Variants in PTK6 observed in about 807,000 individuals in gnomAD.
PTK6 encodes protein tyrosine kinase 6, also known as protein-tyrosine kinase 6.
Under a neutral mutation model 47.5 loss-of-function variants are expected in PTK6, and 47 were observed. The observed-to-expected ratio is 0.99, with a 90% confidence interval of 0.78 to 1.26. The LOEUF (loss-of-function observed/expected upper bound fraction) is 1.26, where lower values mean the gene tolerates loss of function less well. Ranked by LOEUF, PTK6 falls within the 50% of genes most tolerant of loss-of-function variation. The probability of loss-of-function intolerance (pLI) is 0.00; values close to 1 mark genes in which losing one functional copy is unlikely to be tolerated. For synonymous variants in PTK6, 287 were observed against 276.5 expected (o/e 1.04, Z -0.38); for missense variants, 618 against 625.3 (o/e 0.99, Z 0.12).
rs377401604 is a variant in PTK6 at position 63,537,304 on chromosome 20, C to T, written c.11G>A (p.Arg4Gln). MVS[R>Q]DQAHLGPKYV... ...CTTGGGGCCCAGGTGAGCCTGGTCC[C>T]GGGACACCATGGCGGGCGGGCGCAG... The change falls in exon 1 of 8, where the codon CGG becomes CAG. Residue 4 changes from arginine to glutamine, a missense_variant. Arg to Gln is a conservative substitution (Grantham distance 43). Coordinates refer to ENST00000542869, the MANE Select transcript of PTK6 (RefSeq NM_005975.4). 5 of 1,610,296 alleles carry T rather than the reference C, an allele frequency of 3.1e-6. No individual in the cohort carries two copies. The highest frequency in any genetic ancestry group is 2.2e-5 in the East Asian group (1 of 44,786).
chr20:63,532,029 G>A (rs1456543077), intron 5 of PTK6, among the ~76,000 whole-genome samples: 2 of 152,250 alleles, frequency 1.3e-5, no homozygotes, highest in Admixed American at 1.3e-4. Flanking sequence ...TTCACGCACG[G>A]GCATCTCCAT....
At chr20:63,532,423 G>GT (rs2082632019) in intron 5 of PTK6, 103 bp downstream of exon 5, 1 of 1,381,140 alleles carries the variant, frequency 7.2e-7, no homozygotes, top group African/African-American at 1.5e-5. Context: ...GTGTGTCTGT[G>GT]TGTCTACGTG....
At chr20:63,536,698 TC>T (rs1569014262) in intron 1 of PTK6, among the ~76,000 whole-genome samples, 1 of 152,162 alleles carries the variant, frequency 6.6e-6, no homozygotes, top group Middle Eastern at 3.4e-3. Flanking sequence ...AAGCTTCGTT[TC>T]CCCCAAAGGC....
chr20:63,530,609 C>T lies in PTK6; in HGVS notation c.1014+137G>A, dbSNP rs2082610536. Reference sequence around the variant, plus strand: ...CCGGACTCACGGTGGCTTCCCACCTCCCTGCCCAGCCTGGGCTCCCGAGGG... The same window carrying T: ...CCGGACTCACGGTGGCTTCCCACCTTCCTGCCCAGCCTGGGCTCCCGAGGG... On this transcript the variant is annotated intron_variant, in intron 6 of 7. Transcript: ENST00000542869. This position sits in a 1 kb window ranked among gnomAD's most constrained non-coding sequence, Gnocchi z 4.1. The T allele has an allele frequency of 6.1e-6, 7 of 1,148,798 alleles. No individual in the cohort carries two copies. The highest frequency in any genetic ancestry group is 8.4e-6 in the Non-Finnish European group (7 of 829,694). The allele number at this position is 1,148,798 out of a possible 1,614,324, so 71.2% of individuals were successfully genotyped here.
At position 63,537,111 on chromosome 20, in the gene PTK6, G is replaced by C; in HGVS notation, c.204C>G (p.Ala68=). 3.7e-6 allele frequency: 6 copies of C among 1,610,500 alleles called. No homozygotes were observed. Among genetic ancestry groups the C allele is most frequent in the Non-Finnish European group, 5.1e-6 (6 of 1,179,022 alleles). ...GTTCCGACTCCACCGTCTCCCTCTC[G>C]GCCAGGTAGTTGTGGGGCACATAGC... ...AQGYVPHNYL[A]ERETVESEPW... is the part of the protein sequence containing the mutation. The change falls in exon 1 of 8, where the codon GCC becomes GCG. Residue 68 remains alanine, a synonymous_variant. Coordinates refer to ENST00000542869, the MANE Select transcript of PTK6 (RefSeq NM_005975.4).
Position 63,530,624 on chromosome 20 carries a change from G to A in PTK6, c.1014+122C>T, listed in dbSNP as rs2082610669. On this transcript the variant is annotated intron_variant, in intron 6 of 7. Coordinates refer to ENST00000542869, the MANE Select transcript of PTK6 (RefSeq NM_005975.4). This position sits in a 1 kb window ranked among gnomAD's most constrained non-coding sequence, Gnocchi z 4.1. The stretch of plus-strand genomic sequence containing the variant: ...CTTCCCACCTCCCTGCCCAGCCTGG[G>A]CTCCCGAGGGCAGGGGCCGCATCCT... 3.2e-6 allele frequency: 4 copies of A among 1,252,272 alleles called. No homozygotes were observed. The highest frequency in any genetic ancestry group is 3.3e-6 in the Non-Finnish European group (3 of 918,348). 77.6% of individuals were successfully genotyped at this position (1,252,272 alleles called of 1,614,324 possible).
In PTK6 at chr20:63,530,722, A is replaced by G. The variant is rs767994310; in HGVS notation, c.1014+24T>C. On this transcript the variant is annotated intron_variant, in intron 6 of 7. Transcript: ENST00000542869. This position sits in a 1 kb window ranked among gnomAD's most constrained non-coding sequence, Gnocchi z 4.1. ...CCGGCCACGCCCCGGCCACGACCCC[A>G]GCCACGCCCTCTGAGGGCCCTACCT... 9.3e-6 allele frequency: 15 copies of G among 1,610,814 alleles called. No individual in the cohort carries two copies. The highest frequency in any genetic ancestry group is 1.3e-5 in the African/African-American group (1 of 74,698).
At position 63,532,460 on chromosome 20, in the gene PTK6, G is replaced by T. The variant is rs898621438; in HGVS notation, c.832+66C>A. On this transcript the variant is annotated intron_variant, in intron 5 of 7. Coordinates refer to ENST00000542869, the MANE Select transcript of PTK6 (RefSeq NM_005975.4). ...GTGTGTGTGTAGACGTGGGGGGGGGGTGTGCACTTTATTTCCTCACGTGCC... is the reference window on the plus strand; with the variant it reads ...GTGTGTGTGTAGACGTGGGGGGGGGTTGTGCACTTTATTTCCTCACGTGCC... The T allele has an allele frequency of 2.7e-5, 40 of 1,502,076 alleles. No homozygotes were observed. In the African/African-American group the frequency reaches 3.1e-4, roughly 12 times the overall value. The allele number at this position is 1,502,076 out of a possible 1,614,324, so 93.0% of individuals were successfully genotyped here.
rs776174411 is a variant in PTK6 at position 63,530,836 on chromosome 20, G to A, written c.924C>T (p.Tyr308=). The change falls in exon 6 of 8, where the codon TAC becomes TAT. Residue 308 remains tyrosine (Y), a synonymous_variant. Transcript: ENST00000542869. The surrounding 1 kb of genome is among the most constrained non-coding windows in gnomAD (Gnocchi z 4.1). ...EGMCYLESQN[Y]IHRDLAARNI... ...TCCTGGCGGCCAGGTCCCGGTGGATGTAATTCTGCGACTCCAGGTAACACA... is the reference window on the plus strand; with the variant it reads ...TCCTGGCGGCCAGGTCCCGGTGGATATAATTCTGCGACTCCAGGTAACACA... 3 of 1,614,118 alleles carry A rather than the reference G, an allele frequency of 1.9e-6. No homozygotes were observed. The highest frequency in any genetic ancestry group is 2.5e-6 in the Non-Finnish European group (3 of 1,179,992).
At position 63,533,260 on chromosome 20, in the gene PTK6, G is replaced by GGA; in HGVS notation, c.670+290_670+291insTC. ...TTTTTGTATTTTTAGTAGAGACGTG[G>GGA]TTTCCCCATGTTGGCCAGGCTGGTC... is the stretch of plus-strand genomic sequence containing the variant. On this transcript the variant is annotated intron_variant, in intron 4 of 7. Coordinates refer to ENST00000542869, the MANE Select transcript of PTK6 (RefSeq NM_005975.4). This position sits in a 1 kb window ranked among gnomAD's most constrained non-coding sequence, Gnocchi z 4.0. 6.6e-6 allele frequency among the ~76,000 whole-genome samples: 1 copy of GGA among 152,062 alleles called. No individual in the cohort carries two copies. The highest frequency in any genetic ancestry group is 1.5e-5 in the Non-Finnish European group (1 of 68,002).
intron 5 of PTK6, among the ~76,000 whole-genome samples, chr20:63,531,217 C>T (rs1051683889): frequency 2.0e-5 from 3 of 151,370 alleles, no homozygotes; most frequent in East Asian, 3.9e-4. Flanking sequence ...GTCAGGAGAT[C>T]GAGACCATCC....
chr20:63,535,710 T>C (rs531147346), intron 1 of PTK6, among the ~76,000 whole-genome samples: 10 of 146,102 alleles, frequency 6.8e-5, no homozygotes, highest in African/African-American at 2.5e-4. Flanking sequence ...CCCCCTCCAC[T>C]TCCGCACACC....
rs2082592260 is a variant in PTK6, at chr20:63,528,456, G to C, written c.*1080C>G. 1 of 148,512 alleles carries C rather than the reference G, an allele frequency of 6.7e-6. No individual in the cohort carries two copies. Among genetic ancestry groups the C allele is most frequent in the Non-Finnish European group, 1.5e-5 (1 of 67,500 alleles). 9.2% of individuals were successfully genotyped at this position (148,512 alleles called of 1,614,324 possible). Reference sequence around the variant, plus strand: ...GAGTCTCGCTCTGTCGCCCAGGCTGGAGTGCAGTGGCGCGATCTCGGCTCA... The same window carrying C: ...GAGTCTCGCTCTGTCGCCCAGGCTGCAGTGCAGTGGCGCGATCTCGGCTCA... On this transcript the variant is annotated 3_prime_UTR_variant, in exon 8 of 8. Transcript: ENST00000542869.
rs2082590772 is a variant in PTK6 at position 63,528,301 on chromosome 20, A to G, written c.*1235T>C. On this transcript the variant is annotated 3_prime_UTR_variant, in exon 8 of 8. Transcript: ENST00000542869. ...TCCATCTCATGTAGCACATCGGATA[A>G]GCCTGATTAGTCTGACATCTGTCTT... The G allele has an allele frequency of 6.6e-6, 1 of 152,214 alleles. No individual in the cohort carries two copies. Among genetic ancestry groups the G allele is most frequent in the African/African-American group, 2.4e-5 (1 of 41,462 alleles). The allele number at this position is 152,214 out of a possible 1,614,324, so 9.4% of individuals were successfully genotyped here.
In PTK6 at chr20:63,537,091, G is replaced by A. The variant is rs753580768; in HGVS notation, c.224C>T (p.Ser75Leu). The change falls in exon 1 of 8, where the codon TCG becomes TTG. Residue 75 changes from serine (S) to leucine (L), a missense_variant. Physicochemically the swap from Ser to Leu is moderately radical, Grantham distance 145 (BLOSUM62 -2). Coordinates refer to ENST00000542869, the MANE Select transcript of PTK6 (RefSeq NM_005975.4). ...AGCAGCCTAGGACACGCACGGTTCC[G>A]ACTCCACCGTCTCCCTCTCGGCCAG... ...NYLAERETVE[S>L]EPWFFGCISR... 15 of 1,608,746 alleles carry A rather than the reference G, an allele frequency of 9.3e-6. No homozygotes were observed. Among genetic ancestry groups the A allele is most frequent in the Admixed American group, 8.4e-5 (5 of 59,766 alleles).
chr20:63,534,845 C>G, intron 2 of PTK6, 93 bp downstream of exon 2: 1 of 1,465,622 alleles, frequency 6.8e-7, no homozygotes, highest in Non-Finnish European at 9.1e-7. Flanking sequence ...TCCCCCGTCT[C>G]AGCCAGAGCG....
chr20:63,530,045 C>T lies in PTK6; in HGVS notation c.1168+33G>A. The T allele has an allele frequency of 1.2e-6, 2 of 1,611,402 alleles. No individual in the cohort carries two copies. The highest frequency in any genetic ancestry group is 1.3e-5 in the African/African-American group (1 of 74,968). On this transcript the variant is annotated intron_variant, in intron 7 of 7. Transcript: ENST00000542869. The surrounding 1 kb of genome is among the most constrained non-coding windows in gnomAD (Gnocchi z 4.1). ...ACCCAGGACCTCCCCCACTCTGCCT[C>T]TCATGCCCAGTCAGGGACAGTGGGG...
Position 63,530,181 on chromosome 20 carries a change from G to T in PTK6, c.1065C>A (p.Ala355=), listed in dbSNP as rs749182742. The change falls in exon 7 of 8, where the codon GCC becomes GCA. Residue 355 remains alanine, a synonymous_variant. Transcript: ENST00000542869. This position sits in a 1 kb window ranked among gnomAD's most constrained non-coding sequence, Gnocchi z 4.1. ...AATGGCCTCGGGAGAGCGCTTCAGG[G>T]GCCGTCCACTTGTAGGGGATATTGT... ...HDHNIPYKWT[A]PEALSRGHYS... is the part of the protein sequence containing the mutation. 1.2e-6 allele frequency: 2 copies of T among 1,614,112 alleles called. No homozygotes were observed. Among genetic ancestry groups the T allele is most frequent in the Non-Finnish European group, 1.7e-6 (2 of 1,180,006 alleles).
Position 63,529,422 on chromosome 20 carries a change from T to C in PTK6, c.*114A>G. 2 of 1,187,360 alleles carry C rather than the reference T, an allele frequency of 1.7e-6. No homozygotes were observed. The highest frequency in any genetic ancestry group is 5.3e-5 in the East Asian group (2 of 37,982). The allele number at this position is 1,187,360 out of a possible 1,614,324, so 73.6% of individuals were successfully genotyped here. A position where few individuals can be genotyped will look rare whatever the true frequency, so the allele number is the denominator to read the frequency against. On this transcript the variant is annotated 3_prime_UTR_variant, in exon 8 of 8. Coordinates refer to ENST00000542869, the MANE Select transcript of PTK6 (RefSeq NM_005975.4). The surrounding 1 kb of genome is among the most constrained non-coding windows in gnomAD (Gnocchi z 5.6). ...ACACTCCACATTTGTGAACCTTTCCTGCACCCATCACCTCAGTAAACCCCA... is the reference window on the plus strand; with the variant it reads ...ACACTCCACATTTGTGAACCTTTCCCGCACCCATCACCTCAGTAAACCCCA...
Sources: allele counts gnomAD v4.1 joint callset (sites outside exome capture counted in the v4.1 genomes callset), GRCh38; gene constraint gnomAD v4.1.1; non-coding constraint Gnocchi (gnomAD v3.1); transcripts MANE v1.5; gene names NCBI Gene and HGNC (gene_info 2026-07-23, HGNC 2026-07-21).